MACROD2: variants seen among roughly 807,000 people sequenced by gnomAD.
The protein encoded by MACROD2 is ADP-ribose glycohydrolase MACROD2.
Under a neutral mutation model 70.4 loss-of-function variants are expected in MACROD2, and 36 were observed. The observed-to-expected ratio is 0.51, with a 90% confidence interval of 0.39 to 0.68. The LOEUF (loss-of-function observed/expected upper bound fraction) is 0.68. Ranked by LOEUF, MACROD2 falls within the 30% of genes least tolerant of loss-of-function variation. The probability of loss-of-function intolerance (pLI) is 0.00; values close to 1 mark genes in which losing one functional copy is unlikely to be tolerated. For missense variants in MACROD2, 496 were observed against 538.4 expected (o/e 0.92, Z 0.78); for synonymous variants, 172 against 178.8 (o/e 0.96, Z 0.30).
At chr20:14,173,095 A>C (rs1569190468) in intron 3 of MACROD2, among the ~76,000 whole-genome samples, 1 of 152,202 alleles carries the variant, frequency 6.6e-6, no homozygotes, top group Admixed American at 6.5e-5. Context: ...ATCTTTAGAT[A>C]ACCTGATGAC....
chr20:15,499,015 A>G (rs1454677631), intron 7 of MACROD2, among the ~76,000 whole-genome samples: 2 of 152,198 alleles, frequency 1.3e-5, no homozygotes, highest in East Asian at 1.9e-4. Flanking sequence ...TACATTGATA[A>G]GGTTATTCCT....
chr20:15,161,951 G>A (rs2076351197), intron 5 of MACROD2, among the ~76,000 whole-genome samples: 1 of 151,996 alleles, frequency 6.6e-6, no homozygotes, highest in Admixed American at 6.6e-5. Flanking sequence ...GCACTTTTTA[G>A]ATGTTGATAA....
At chr20:15,491,195 A>G (rs2047227073) in intron 7 of MACROD2, among the ~76,000 whole-genome samples, 1 of 152,204 alleles carries the variant, frequency 6.6e-6, no homozygotes, top group Admixed American at 6.5e-5. Flanking sequence ...TGCCTGGACT[A>G]GATGACCTTT....
At chr20:14,793,363 T>C (rs1288179461) in intron 5 of MACROD2, among the ~76,000 whole-genome samples, 1 of 152,066 alleles carries the variant, frequency 6.6e-6, no homozygotes, top group African/African-American at 2.4e-5. Flanking sequence ...ATTTTGTTGG[T>C]GTAATTTATG....
At chr20:14,473,657 A>G (rs1022893901) in intron 3 of MACROD2, among the ~76,000 whole-genome samples, 16 of 152,216 alleles carry the variant, frequency 1.1e-4, no homozygotes, top group African/African-American at 3.6e-4. Flanking sequence ...TTCTTTGGAT[A>G]GATACCTAGA....
chr20:15,206,721 G>GTTTTTTTTTTTTT (rs56752104), intron 5 of MACROD2, among the ~76,000 whole-genome samples: 482 of 33,008 alleles, frequency 0.015, 153 homozygotes, highest in Middle Eastern at 0.024. Context: ...TATTATCTAT[G>GTTTTTTTTTTTTT]TTTTTTTTTT....
chr20:15,663,633 C>T (rs987548072), intron 8 of MACROD2, among the ~76,000 whole-genome samples: 1 of 150,800 alleles, frequency 6.6e-6, no homozygotes, highest in Non-Finnish European at 1.5e-5. Flanking sequence ...AAAAAAAAAA[C>T]CGTGTCTGGG....
chr20:14,684,982 TCAAAAC>T, intron 5 of MACROD2, 23 bp downstream of exon 5: 1 of 1,566,946 alleles, frequency 6.4e-7, no homozygotes, highest in South Asian at 1.1e-5. Flanking sequence ...GAATACTGTT[TCAAAAC>T]CAGATGAGAC....
In MACROD2 at chr20:15,754,003, G is replaced by A. The variant is rs531682726; in HGVS notation, c.646-108742G>A. ...ACAAGATATTTTAGCACATCTCTCC[G>A]AAAATCTGATAGATCAAGCTTATAA... On this transcript the variant is annotated intron_variant, in intron 8 of 17. Coordinates refer to ENST00000684519, the MANE Select transcript of MACROD2 (RefSeq NM_001351661.2). Among the ~76,000 whole-genome samples, 14 of 152,190 alleles carry A rather than the reference G, an allele frequency of 9.2e-5. No individual in the cohort carries two copies. In the East Asian group the frequency reaches 1.2e-3, roughly 13 times the overall value.
chr20:14,430,501 T>C (rs1002914134), intron 3 of MACROD2, among the ~76,000 whole-genome samples: 1 of 152,184 alleles, frequency 6.6e-6, no homozygotes, highest in African/African-American at 2.4e-5. Flanking sequence ...TTAAAAATAA[T>C]GCAATATTTC....
At chr20:14,773,431 T>C (rs1197259999) in intron 5 of MACROD2, among the ~76,000 whole-genome samples, 2 of 152,082 alleles carry the variant, frequency 1.3e-5, no homozygotes, top group African/African-American at 4.8e-5. Context: ...TTACTTGAGT[T>C]TGAGTTTTTA....
intron 8 of MACROD2, among the ~76,000 whole-genome samples, chr20:15,728,148 A>T (rs2050891166): frequency 6.6e-6 from 1 of 152,166 alleles, no homozygotes. Context: ...TTTAGCATCT[A>T]TTGAGATAAC....
intron 2 of MACROD2, among the ~76,000 whole-genome samples, chr20:14,059,684 A>G (rs868401247): frequency 5.3e-5 from 8 of 152,340 alleles, no homozygotes; most frequent in Admixed American, 3.3e-4. Flanking sequence ...CATTTATTCA[A>G]TATTACTGAT....
chr20:14,227,558 C>T lies in MACROD2; in HGVS notation c.271+141830C>T, dbSNP rs113816105. On this transcript the variant is annotated intron_variant, in intron 3 of 17. Transcript: ENST00000684519. ...TGAGCCAGCGAGACCATGCACCCAC[C>T]AGAAGGAAGAAACTCCGAACGCATC... Among the ~76,000 whole-genome samples the T allele has an allele frequency of 1.4e-3, 207 of 152,248 alleles. 4 individuals carry two copies. The highest frequency in any genetic ancestry group is 4.8e-3 in the African/African-American group (199 of 41,538).
At chr20:15,378,016 T>C (rs2045585985) in intron 6 of MACROD2, among the ~76,000 whole-genome samples, 1 of 151,728 alleles carries the variant, frequency 6.6e-6, no homozygotes, top group African/African-American at 2.4e-5. Context: ...GAGGGAGGTA[T>C]AGCATTAGGA....
chr20:14,948,373 T>C (rs747627117), intron 5 of MACROD2, among the ~76,000 whole-genome samples: 2 of 152,224 alleles, frequency 1.3e-5, no homozygotes, highest in Non-Finnish European at 2.9e-5. Flanking sequence ...TAACTAGCTG[T>C]GGACCCTCAT....
chr20:14,750,733 A>G (rs2071858850), intron 5 of MACROD2, among the ~76,000 whole-genome samples: 1 of 152,028 alleles, frequency 6.6e-6, no homozygotes. Flanking sequence ...TGCTGGGATT[A>G]CGAGTGTGAG....
At chr20:15,913,825 G>C (rs988552508) in intron 10 of MACROD2, among the ~76,000 whole-genome samples, 1 of 152,202 alleles carries the variant, frequency 6.6e-6, no homozygotes, top group African/African-American at 2.4e-5. Context: ...CAAAGTGAAA[G>C]TGCTTATAGT....
intron 6 of MACROD2, among the ~76,000 whole-genome samples, chr20:15,414,079 T>A (rs983162759): frequency 2.6e-5 from 4 of 152,190 alleles, no homozygotes; most frequent in African/African-American, 7.2e-5. Flanking sequence ...TATCATTAGA[T>A]TTTTTTAAGT....
Sources: gnomAD v4.1 joint callset for allele counts (sites outside exome capture counted in the v4.1 genomes callset) on GRCh38, gnomAD v4.1.1 for gene constraint, MANE v1.5 for transcripts, NCBI Gene and HGNC (gene_info 2026-07-23, HGNC 2026-07-21) for gene names.